Variants in SUPT3H observed in about 807,000 individuals in gnomAD.
SUPT3H encodes the protein transcription initiation protein SPT3 homolog.
Under a neutral mutation model 44.3 loss-of-function variants are expected in SUPT3H, and 44 were observed. The ratio of observed to expected loss-of-function variants is 0.99; its 90% CI spans 0.78 to 1.28. The LOEUF (loss-of-function observed/expected upper bound fraction) is 1.28. Ranked by LOEUF, SUPT3H falls within the 50% of genes most tolerant of loss-of-function variation. The pLI, the probability that SUPT3H is intolerant of heterozygous loss-of-function variation, is 0.00. For missense variants in SUPT3H, 380 were observed against 387.1 expected (o/e 0.98, Z 0.15); for synonymous variants, 124 against 125.6 (o/e 0.99, Z 0.09).
At chr6:44,929,196 C>G (rs1043987389) in intron 10 of SUPT3H, among the ~76,000 whole-genome samples, 2 of 152,028 alleles carry the variant, frequency 1.3e-5, no homozygotes, top group Non-Finnish European at 2.9e-5. Context: ...GAAAAATTCA[C>G]TTACAATTCT....
intron 2 of SUPT3H, among the ~76,000 whole-genome samples, chr6:45,362,124 A>T (rs1385366421): frequency 2.0e-5 from 3 of 152,210 alleles, no homozygotes; most frequent in Admixed American, 6.5e-5. Flanking sequence ...CACCACCCAA[A>T]TTCAAAATAT....
intron 2 of SUPT3H, among the ~76,000 whole-genome samples, chr6:45,325,348 A>G (rs1374662900): frequency 6.6e-6 from 1 of 151,882 alleles, no homozygotes; most frequent in Non-Finnish European, 1.5e-5. Context: ...TTAAGAAAAT[A>G]AAAAATTACT....
intron 2 of SUPT3H, among the ~76,000 whole-genome samples, chr6:45,124,710 T>G (rs1387883993): frequency 6.6e-6 from 1 of 151,894 alleles, no homozygotes; most frequent in Non-Finnish European, 1.5e-5. Context: ...ATATTGAATA[T>G]TCATGTTTAA....
rs1235323960 is a variant in SUPT3H, at chr6:44,827,299, C to T, written c.*2517G>A. Among the ~76,000 whole-genome samples the T allele has an allele frequency of 5.9e-5, 9 of 152,102 alleles. No homozygotes were observed. The highest frequency in any genetic ancestry group is 1.3e-4 in the Non-Finnish European group (9 of 67,982). On this transcript the variant is annotated 3_prime_UTR_variant, in exon 11 of 11. Coordinates refer to ENST00000371459, the MANE Select transcript of SUPT3H (RefSeq NM_003599.4). ...CTTTAGGATGTATCCATAATTAGTA[C>T]AGTTTTTAAATAAATTTACATCGTT...
At chr6:45,057,732 T>C (rs1378473426) in intron 3 of SUPT3H, among the ~76,000 whole-genome samples, 2 of 152,146 alleles carry the variant, frequency 1.3e-5, no homozygotes, top group Non-Finnish European at 2.9e-5. Flanking sequence ...AGTTTAATTA[T>C]TGGGTCTGTG....
chr6:45,289,621 A>G (rs535898353), intron 2 of SUPT3H, among the ~76,000 whole-genome samples: 1 of 152,356 alleles, frequency 6.6e-6, no homozygotes, highest in South Asian at 2.1e-4. Flanking sequence ...GTCAGATAAT[A>G]TATTAACACA....
chr6:45,217,038 T>C (rs952908810), intron 2 of SUPT3H, among the ~76,000 whole-genome samples: 2 of 152,244 alleles, frequency 1.3e-5, no homozygotes, highest in Non-Finnish European at 2.9e-5. Context: ...GATATAAAAC[T>C]ATTCTAATTT....
At chr6:45,281,428 C>G (rs955176081) in intron 2 of SUPT3H, among the ~76,000 whole-genome samples, 3 of 152,212 alleles carry the variant, frequency 2.0e-5, no homozygotes, top group Non-Finnish European at 4.4e-5. Context: ...TAGCAAATGG[C>G]ACACCAGGAG....
At chr6:44,996,834 G>A (rs1312277933) in intron 6 of SUPT3H, among the ~76,000 whole-genome samples, 1 of 151,694 alleles carries the variant, frequency 6.6e-6, no homozygotes, top group African/African-American at 2.4e-5. Context: ...AATGTATTTT[G>A]ATGCATGTGT....
intron 10 of SUPT3H, among the ~76,000 whole-genome samples, chr6:44,910,777 C>T (rs183511945): frequency 3.2e-3 from 478 of 151,190 alleles, no homozygotes; most frequent in Non-Finnish European, 4.7e-3. Flanking sequence ...GTGGATCACT[C>T]GAGGTCAGGA....
In SUPT3H at chr6:44,961,844, A is replaced by G. The variant is rs371660190; in HGVS notation, c.505-16T>C. 16 of 1,570,396 alleles carry G rather than the reference A, an allele frequency of 1.0e-5. No homozygotes were observed. In the African/African-American group the frequency reaches 1.9e-4, roughly 19 times the overall value. On this transcript the variant is annotated splice_polypyrimidine_tract_variant and intron_variant, in intron 6 of 10. Transcript: ENST00000371459. ...TTTCTGCTCTCTAAAAGATAAAAAT[A>G]CATAACATTTTTTAAAGCAAGCAGA...
chr6:45,200,266 C>G (rs1235833193), intron 2 of SUPT3H, among the ~76,000 whole-genome samples: 1 of 151,252 alleles, frequency 6.6e-6, no homozygotes, highest in Non-Finnish European at 1.5e-5. Context: ...TATATGTTCT[C>G]TAATTGTATT....
chr6:44,835,828 C>CTA (rs766400858), intron 10 of SUPT3H, among the ~76,000 whole-genome samples: 6 of 152,018 alleles, frequency 3.9e-5, no homozygotes, highest in Non-Finnish European at 7.4e-5. Flanking sequence ...AGAAGAGAGA[C>CTA]TATGCCAAGT....
At chr6:45,067,696 AG>A (rs1793616366) in intron 3 of SUPT3H, among the ~76,000 whole-genome samples, 2 of 150,538 alleles carry the variant, frequency 1.3e-5, no homozygotes, top group Admixed American at 1.3e-4. Flanking sequence ...TATGCAGCCA[AG>A]AAACACATGA....
chr6:44,901,248 C>G (rs1371334163), intron 10 of SUPT3H, among the ~76,000 whole-genome samples: 1 of 152,030 alleles, frequency 6.6e-6, no homozygotes, highest in African/African-American at 2.4e-5. Context: ...AAGTTCGAAC[C>G]CATGGCAAAG....
At chr6:44,825,026 G>T (rs1419407377), downstream of SUPT3H, among the ~76,000 whole-genome samples, 1 of 152,188 alleles carries the variant, frequency 6.6e-6, no homozygotes, top group African/African-American at 2.4e-5. Context: ...AACAAGATGG[G>T]AATTATTTTA....
chr6:44,825,321 G>A (rs1294267863), downstream of SUPT3H, among the ~76,000 whole-genome samples: 1 of 152,136 alleles, frequency 6.6e-6, no homozygotes, highest in African/African-American at 2.4e-5. Context: ...ATTAGAGGAG[G>A]AATGTTAAGT....
intron 3 of SUPT3H, among the ~76,000 whole-genome samples, chr6:45,026,523 T>A (rs960477294): frequency 3.3e-5 from 5 of 152,112 alleles, no homozygotes; most frequent in African/African-American, 1.2e-4. Context: ...ATTTAACTTT[T>A]AAATTTTATA....
intron 9 of SUPT3H, among the ~76,000 whole-genome samples, chr6:44,937,971 G>A (rs1284337334): frequency 8.0e-6 from 1 of 125,732 alleles, no homozygotes; most frequent in Non-Finnish European, 1.6e-5. Context: ...GTGCAGTGGT[G>A]TAATCTCAGC....
Sources: allele counts gnomAD v4.1 joint callset (sites outside exome capture counted in the v4.1 genomes callset), GRCh38; gene constraint gnomAD v4.1.1; transcripts MANE v1.5; gene names NCBI Gene and HGNC (gene_info 2026-07-23, HGNC 2026-07-21).